Variants in SBK1 observed in about 807,000 individuals in gnomAD.
The protein encoded by SBK1 is SH3 domain binding kinase 1.
In SBK1, 11 loss-of-function variants were observed where a neutral mutation model predicts 24.4. That is an observed-to-expected ratio of 0.45 (90% CI 0.28 to 0.75). SBK1 has a LOEUF of 0.75. Ranked by LOEUF, SBK1 falls within the 30% of genes least tolerant of loss-of-function variation. The pLI is 0.12. For synonymous variants in SBK1, 308 were observed against 284.4 expected, an observed-to-expected ratio of 1.08 and a Z score of -0.83; for missense variants, 467 against 620.5, an observed-to-expected ratio of 0.75 and a Z score of 2.63.
intron 1 of SBK1, among the ~76,000 whole-genome samples, chr16:28,261,475 AC>A (rs1567667969): frequency 4.1e-5 from 6 of 146,352 alleles, no homozygotes; most frequent in East Asian, 4.0e-4. Context: ...ACACACACAC[AC>A]ACAATTAGCC....
chr16:28,261,777 T>C (rs1437755746), intron 1 of SBK1, among the ~76,000 whole-genome samples: 2 of 152,192 alleles, frequency 1.3e-5, no homozygotes, highest in Non-Finnish European at 2.9e-5. Flanking sequence ...GTGAACAACG[T>C]AAGCAAACCA....
At chr16:28,318,046 A>G (rs1029669517) in intron 2 of SBK1, among the ~76,000 whole-genome samples, 10 of 152,056 alleles carry the variant, frequency 6.6e-5, no homozygotes, top group Admixed American at 5.9e-4. Context: ...TGGTGGAAGG[A>G]CCTGTGAGGT....
intron 1 of SBK1, among the ~76,000 whole-genome samples, chr16:28,301,190 C>G (rs1369965873): frequency 6.6e-6 from 1 of 152,218 alleles, no homozygotes; most frequent in African/African-American, 2.4e-5. Flanking sequence ...GAAGACCTCC[C>G]CAGCTTATCC....
At chr16:28,308,470 T>C (rs1455953576) in intron 1 of SBK1, among the ~76,000 whole-genome samples, 1 of 137,820 alleles carries the variant, frequency 7.3e-6, no homozygotes, top group Non-Finnish European at 1.6e-5. Flanking sequence ...TTTTTTTTTT[T>C]TTTTTTTTTT....
intron 1 of SBK1, among the ~76,000 whole-genome samples, chr16:28,297,866 A>T (rs1390835617): frequency 6.6e-6 from 1 of 152,194 alleles, no homozygotes; most frequent in East Asian, 1.9e-4. Flanking sequence ...GGGAGGCAGG[A>T]TAGCATTGTG....
chr16:28,280,293 A>G (rs1597014299), intron 1 of SBK1, among the ~76,000 whole-genome samples: 1 of 142,902 alleles, frequency 7.0e-6, no homozygotes, highest in Admixed American at 7.4e-5. Context: ...GTATACATAT[A>G]TATGCACATA....
chr16:28,260,616 C>T (rs2044391895), intron 1 of SBK1, among the ~76,000 whole-genome samples: 2 of 152,194 alleles, frequency 1.3e-5, no homozygotes, highest in Non-Finnish European at 2.9e-5. Context: ...AGTTCCCGCT[C>T]CGTGGGCCTC....
Position 28,260,084 on chromosome 16 carries a change from T to TGTGTGTG in SBK1, c.257+582_257+583insGTGTGTG, listed in dbSNP as rs1555535487. Among the ~76,000 whole-genome samples the TGTGTGTG allele has an allele frequency of 2.5e-3, 372 of 149,940 alleles. 3 individuals carry two copies. In the South Asian group the frequency reaches 0.026, roughly 10 times the overall value. On this transcript the variant is annotated intron_variant, in intron 1 of 3. Transcript: ENST00000671413. ...CGAAAATGCATGCATGTGTATTTGC[T>TGTGTGTG]TGTGTGTGTGTGTGTGTGTGTGTAA...
chr16:28,284,070 C>CCACAG (rs1387476234), intron 1 of SBK1, among the ~76,000 whole-genome samples: 5 of 152,218 alleles, frequency 3.3e-5, no homozygotes, highest in Non-Finnish European at 5.9e-5. Context: ...TGGGGTTCAC[C>CCACAG]TCCCATTGCC....
Position 28,320,480 on chromosome 16 carries a change from T to TTCG in SBK1, c.835_837dup (p.Ser279dup), listed in dbSNP as rs1334767789. On this transcript the variant is annotated inframe_insertion, in exon 4 of 4. Coordinates refer to ENST00000341901, the MANE Select transcript of SBK1 (RefSeq NM_001024401.3). This position sits in a 1 kb window ranked among gnomAD's most constrained non-coding sequence, Gnocchi z 8.5. The stretch of plus-strand genomic sequence containing the variant: ...AGCGGGGCCGCCTGCCGGGGCTGCC[T>TTCG]TCGCAGTGGCGCCGCTTCACCGAGC... The TTCG allele has an allele frequency of 2.5e-6, 4 of 1,574,044 alleles. No individual in the cohort carries two copies. The highest frequency in any genetic ancestry group is 3.4e-6 in the Non-Finnish European group (4 of 1,166,948).
chr16:28,264,454 G>C (rs2044415868), intron 1 of SBK1, among the ~76,000 whole-genome samples: 1 of 152,060 alleles, frequency 6.6e-6, no homozygotes. Flanking sequence ...CACACCTGTA[G>C]TCCCAGTTAC....
intron 1 of SBK1, among the ~76,000 whole-genome samples, chr16:28,300,415 G>T (rs1057423263): frequency 6.6e-6 from 1 of 152,088 alleles, no homozygotes; most frequent in Non-Finnish European, 1.5e-5. Context: ...GGCCTTCCAG[G>T]CTCAAGTGAT....
chr16:28,268,282 A>G (rs2044442852), intron 1 of SBK1, among the ~76,000 whole-genome samples: 1 of 151,996 alleles, frequency 6.6e-6, no homozygotes, highest in Admixed American at 6.6e-5. Context: ...TCACCCTGTC[A>G]ACTAGGCTGG....
chr16:28,314,349 G>A lies in SBK1; in HGVS notation c.-7-3036G>A, dbSNP rs919492254. Among the ~76,000 whole-genome samples, 90 of 137,568 alleles carry A rather than the reference G, an allele frequency of 6.5e-4. 1 individual carries two copies. Among genetic ancestry groups the A allele is most frequent in the East Asian group, 1.7e-3 (8 of 4,762 alleles). The allele number at this position is 137,568 out of a possible 152,430, so 90.2% of individuals were successfully genotyped here. Reference sequence around the variant, plus strand: ...CTTTTTTTTTTTTTTTTTTTTTGTGGAGACAGGGTCTTGCTCAGGCCGGTC... The same window carrying A: ...CTTTTTTTTTTTTTTTTTTTTTGTGAAGACAGGGTCTTGCTCAGGCCGGTC... On this transcript the variant is annotated intron_variant, in intron 1 of 3. Transcript: ENST00000341901.
At chr16:28,276,727 C>T (rs1272061000) in intron 1 of SBK1, among the ~76,000 whole-genome samples, 7 of 151,928 alleles carry the variant, frequency 4.6e-5, no homozygotes, top group African/African-American at 9.7e-5. Flanking sequence ...TGCAGTGGTG[C>T]GATCTTGGCT....
chr16:28,261,469 A>G (rs1567667955), intron 1 of SBK1, among the ~76,000 whole-genome samples: 1 of 135,342 alleles, frequency 7.4e-6, no homozygotes, highest in Non-Finnish European at 1.7e-5. Flanking sequence ...ACACACACAC[A>G]CACACACACA....
At chr16:28,288,679 C>T (rs1326498046), upstream of SBK1, among the ~76,000 whole-genome samples, 1 of 152,202 alleles carries the variant, frequency 6.6e-6, no homozygotes. Flanking sequence ...ACCCATGGAT[C>T]ACTGGATTCC....
intron 1 of SBK1, among the ~76,000 whole-genome samples, chr16:28,264,121 C>A (rs962629774): frequency 4.6e-5 from 7 of 152,068 alleles, no homozygotes; most frequent in African/African-American, 1.7e-4. Flanking sequence ...ACAGCAAGAC[C>A]CTGTCTCTAA....
rs572576189 is a variant in SBK1 at position 28,270,643 on chromosome 16, TG to T, written c.257+11142del. On this transcript the variant is annotated intron_variant, in intron 1 of 3. Transcript: ENST00000671413. ...TTTACCATGTTGCCCAGGCTGGTCT[TG>T]AACTCCTGGCTCAAGTGATCCTCCC... Among the ~76,000 whole-genome samples the T allele has an allele frequency of 2.9e-3, 442 of 151,408 alleles. 2 individuals carry two copies. Among genetic ancestry groups the T allele is most frequent in the African/African-American group, 0.01 (424 of 41,260 alleles).
Sources: allele counts gnomAD v4.1 joint callset (sites outside exome capture counted in the v4.1 genomes callset), GRCh38; gene constraint gnomAD v4.1.1; non-coding constraint Gnocchi (gnomAD v3.1); transcripts MANE v1.5; gene names NCBI Gene and HGNC (gene_info 2026-07-23, HGNC 2026-07-21).